Variants in FANK1 observed in about 807,000 individuals in gnomAD.
The protein encoded by FANK1 is fibronectin type III and ankyrin repeat domains 1, also known as fibronectin type 3 and ankyrin repeat domains protein 1.
FANK1 carries 44 observed loss-of-function variants against 45.3 expected under a neutral mutation model. The observed-to-expected ratio is 0.97, with a 90% CI of 0.76 to 1.25. The LOEUF (loss-of-function observed/expected upper bound fraction) is 1.25, where lower values mean the gene tolerates loss of function less well. FANK1 is among the 50% of genes most tolerant of loss of function. The pLI is 0.00. For synonymous variants in FANK1, 149 were observed against 152.5 expected, an observed-to-expected ratio of 0.98 and a Z score of 0.17; for missense variants, 391 against 424.4, an observed-to-expected ratio of 0.92 and a Z score of 0.69.
intron 1 of FANK1, among the ~76,000 whole-genome samples, chr10:125,897,378 G>A (rs1269657203): frequency 2.0e-5 from 3 of 152,316 alleles, no homozygotes; most frequent in Admixed American, 6.5e-5. Flanking sequence ...TTTGTTTCAA[G>A]GCCTTTCTTT....
chr10:125,924,867 C>T (rs1283270037), intron 1 of FANK1, among the ~76,000 whole-genome samples: 1 of 151,668 alleles, frequency 6.6e-6, no homozygotes, highest in African/African-American at 2.4e-5. Flanking sequence ...TTAATTATAT[C>T]CTACAGTTTT....
At chr10:125,910,049 AACT>A (rs1945866818) in intron 1 of FANK1, among the ~76,000 whole-genome samples, 2 of 152,164 alleles carry the variant, frequency 1.3e-5, no homozygotes, top group African/African-American at 4.8e-5. Flanking sequence ...ATAAAAAAAA[AACT>A]ACTAGTTATT....
In FANK1 at chr10:125,981,686, T is replaced by C. The variant is rs372936477; in HGVS notation, c.191+1348T>C. Among the ~76,000 whole-genome samples, 13 of 152,294 alleles carry C rather than the reference T, an allele frequency of 8.5e-5. No individual in the cohort carries two copies. In the East Asian group the frequency reaches 2.3e-3, roughly 27 times the overall value. On this transcript the variant is annotated intron_variant, in intron 2 of 10. Coordinates refer to ENST00000368693, the MANE Select transcript of FANK1 (RefSeq NM_145235.5). ...TAATTTTGAAATAATTATAGATTCA[T>C]ATCCAGTTGTAAGAAAGAGTGATTG... is the stretch of plus-strand genomic sequence containing the variant.
intron 1 of FANK1, among the ~76,000 whole-genome samples, chr10:125,932,003 G>T (rs2134142697): frequency 6.6e-6 from 1 of 152,170 alleles, no homozygotes; most frequent in African/African-American, 2.4e-5. Context: ...AAGATCAGTT[G>T]GTTATAAGTG....
At chr10:125,915,973 G>C (rs530696910) in intron 1 of FANK1, among the ~76,000 whole-genome samples, 1 of 152,168 alleles carries the variant, frequency 6.6e-6, no homozygotes, top group Non-Finnish European at 1.5e-5. Context: ...CAGTTTGTCT[G>C]TTTCTTCAGT....
At chr10:125,932,505 T>C (rs1947817378) in intron 1 of FANK1, among the ~76,000 whole-genome samples, 1 of 152,200 alleles carries the variant, frequency 6.6e-6, no homozygotes, top group African/African-American at 2.4e-5. Context: ...CTCCCCTTGG[T>C]CGCTGTTGGT....
At chr10:125,943,778 T>C (rs1948604067) in intron 1 of FANK1, among the ~76,000 whole-genome samples, 1 of 152,216 alleles carries the variant, frequency 6.6e-6, no homozygotes, top group Non-Finnish European at 1.5e-5. Flanking sequence ...TAAGTTGGCA[T>C]GGGTGATTAA....
At chr10:125,996,274 G>A (rs533548764) in intron 4 of FANK1, among the ~76,000 whole-genome samples, 10 of 152,338 alleles carry the variant, frequency 6.6e-5, no homozygotes, top group South Asian at 4.1e-4. Context: ...TGCTTTATCC[G>A]ATGGCCTCAT....
chr10:125,909,399 TG>T (rs531529914), intron 1 of FANK1, among the ~76,000 whole-genome samples: 18 of 152,278 alleles, frequency 1.2e-4, no homozygotes, highest in East Asian at 1.2e-3. Flanking sequence ...ATTATGTCTT[TG>T]TTTTTTTTTC....
At chr10:125,986,356 T>C (rs10901497) in intron 2 of FANK1, among the ~76,000 whole-genome samples, 2 of 151,942 alleles carry the variant, frequency 1.3e-5, no homozygotes, top group South Asian at 4.2e-4. Flanking sequence ...AACAGGATCA[T>C]TGAACGTTCA....
chr10:125,930,591 CCTCCAGAAGTT>C (rs1055721200), intron 1 of FANK1, among the ~76,000 whole-genome samples: 2 of 151,944 alleles, frequency 1.3e-5, no homozygotes, highest in African/African-American at 4.8e-5. Flanking sequence ...TCCGCTTTGA[CCTCCAGAAGTT>C]CTGGGATTAC....
chr10:125,934,682 C>T (rs779982790), intron 1 of FANK1, among the ~76,000 whole-genome samples: 1 of 145,034 alleles, frequency 6.9e-6, no homozygotes, highest in Non-Finnish European at 1.5e-5. Context: ...ACCTAACAGC[C>T]TAGCATGCAG....
chr10:125,981,513 A>G (rs1436628462), intron 2 of FANK1, among the ~76,000 whole-genome samples: 1 of 151,628 alleles, frequency 6.6e-6, no homozygotes, highest in Admixed American at 6.6e-5. Context: ...AAAAAAAAAA[A>G]AAGTTATGTT....
intron 1 of FANK1, among the ~76,000 whole-genome samples, chr10:125,898,734 T>C (rs1490579855): frequency 3.9e-5 from 6 of 152,154 alleles, no homozygotes; most frequent in Non-Finnish European, 5.9e-5. Flanking sequence ...GTATTACTTA[T>C]GTGAACTATA....
chr10:125,972,643 A>C (rs556020722), intron 1 of FANK1: 1 of 152,306 alleles, frequency 6.6e-6, no homozygotes, highest in East Asian at 1.9e-4. Context: ...TTTTGCAAAA[A>C]GCAACTCTTG....
At chr10:125,963,700 A>C (rs990471814) in intron 1 of FANK1, among the ~76,000 whole-genome samples, 1 of 152,176 alleles carries the variant, frequency 6.6e-6, no homozygotes, top group Non-Finnish European at 1.5e-5. Flanking sequence ...CAGTGAGAAC[A>C]CTTGAACACA....
At chr10:125,927,939 A>C (rs1947479640) in intron 1 of FANK1, among the ~76,000 whole-genome samples, 1 of 152,320 alleles carries the variant, frequency 6.6e-6, no homozygotes, top group Non-Finnish European at 1.5e-5. Context: ...GTGTACGTAC[A>C]GTTTTAGGAG....
chr10:125,902,411 C>G (rs1945117700), intron 1 of FANK1, among the ~76,000 whole-genome samples: 1 of 152,178 alleles, frequency 6.6e-6, no homozygotes, highest in South Asian at 2.1e-4. Flanking sequence ...CACTGCTGTT[C>G]ACAGATAGAT....
chr10:125,988,834 A>G (rs138615372), intron 3 of FANK1, 159 bp downstream of exon 3: 2 of 1,112,958 alleles, frequency 1.8e-6, no homozygotes, highest in Admixed American at 3.8e-5. Context: ...CCTTGCCATA[A>G]CTTGTAATGT....
Sources: allele counts gnomAD v4.1 joint callset (sites outside exome capture counted in the v4.1 genomes callset), GRCh38; gene constraint gnomAD v4.1.1; transcripts MANE v1.5; gene names NCBI Gene and HGNC (gene_info 2026-07-23, HGNC 2026-07-21).